The following RNF135 variants were observed in gnomAD, a reference collection of about 807,000 sequenced individuals.
The protein encoded by RNF135 is E3 ubiquitin-protein ligase RNF135.
In RNF135, 46 loss-of-function variants were observed where a neutral mutation model predicts 41.9. The ratio of observed to expected loss-of-function variants is 1.10; its 90% CI spans 0.87 to 1.40. The LOEUF is 1.40. Among genes scored for constraint, RNF135 ranks in the 40% most tolerant of loss-of-function variants. The probability of loss-of-function intolerance (pLI) is 0.00; values close to 1 mark genes in which losing one functional copy is unlikely to be tolerated. For synonymous variants in RNF135, 238 were observed against 223.8 expected, an observed-to-expected ratio of 1.06 and a Z score of -0.57; for missense variants, 539 against 549.8, an observed-to-expected ratio of 0.98 and a Z score of 0.20.
the RNF135 span, chr17:30,959,090 C>G: frequency 2.6e-5 from 4 of 152,086 alleles, no homozygotes; most frequent in African/African-American, 7.2e-5. Flanking sequence ...GCATTAAGGG[C>G]CAGTTTACTT....
intron 1 of RNF135, among the ~76,000 whole-genome samples, chr17:30,976,415 C>G (rs962031444): frequency 1.3e-5 from 2 of 152,184 alleles, no homozygotes; most frequent in Non-Finnish European, 2.9e-5. Flanking sequence ...GGAAAAGATC[C>G]ATGTGTATTC....
intron 2 of RNF135, among the ~76,000 whole-genome samples, chr17:30,985,489 C>T (rs1907520175): frequency 6.6e-6 from 1 of 152,168 alleles, no homozygotes; most frequent in Non-Finnish European, 1.5e-5. Context: ...AATCATGTTA[C>T]CTTCTTCTCC....
the RNF135 span, among the ~76,000 whole-genome samples, chr17:30,961,486 GGA>G: frequency 7.9e-5 from 12 of 151,378 alleles, no homozygotes; most frequent in African/African-American, 2.7e-4. Flanking sequence ...TTTCTGAGAT[GGA>G]GTCTTGCTCT....
chr17:30,979,754 C>CG (rs1906876954), intron 1 of RNF135, among the ~76,000 whole-genome samples: 1 of 112,338 alleles, frequency 8.9e-6, no homozygotes, highest in Non-Finnish European at 1.9e-5. Flanking sequence ...GCTGGCCGGG[C>CG]AGGGGGCTGA....
intron 1 of RNF135, chr17:30,973,057 AG>A (rs2142658233): frequency 6.6e-6 from 1 of 152,348 alleles, no homozygotes; most frequent in East Asian, 1.9e-4. Context: ...TACAGGCGTG[AG>A]CCACCGCACC....
At chr17:30,966,424 TTATTTTTATG>T (rs1305975761), upstream of RNF135, among the ~76,000 whole-genome samples, 1 of 149,336 alleles carries the variant, frequency 6.7e-6, no homozygotes, top group African/African-American at 2.5e-5. Flanking sequence ...ATTTTTTTAT[TTATTTTTATG>T]TATTTATTTA....
chr17:30,967,738 G>A (rs1300348665), upstream of RNF135, among the ~76,000 whole-genome samples: 17 of 148,184 alleles, frequency 1.1e-4, no homozygotes, highest in Admixed American at 1.2e-3. Context: ...GTCTTGCCCT[G>A]TTGCCGAGGC....
At chr17:30,970,882 C>A, upstream of RNF135, 1 of 775,408 alleles carries the variant, frequency 1.3e-6, no homozygotes, top group Admixed American at 2.8e-5. Flanking sequence ...TCTGTCTTTC[C>A]AGCTGGGCAC....
the RNF135 span, among the ~76,000 whole-genome samples, chr17:30,965,942 A>G: frequency 6.6e-6 from 1 of 152,222 alleles, no homozygotes; most frequent in South Asian, 2.1e-4. Flanking sequence ...CTTAGATTCT[A>G]CAATAGTGAT....
chr17:30,976,038 G>A (rs890362212), intron 1 of RNF135: 3 of 258,682 alleles, frequency 1.2e-5, no homozygotes, highest in Middle Eastern at 1.3e-3. Flanking sequence ...ATGGCGTCTC[G>A]CTCTGTTGCC....
At chr17:30,988,482 C>T (rs1907756060) in intron 3 of RNF135, among the ~76,000 whole-genome samples, 1 of 119,698 alleles carries the variant, frequency 8.4e-6, no homozygotes. Flanking sequence ...GGCTGGAGTG[C>T]AGTGGCACCA....
chr17:30,969,774 T>C (rs1274873678), upstream of RNF135, among the ~76,000 whole-genome samples: 2 of 145,566 alleles, frequency 1.4e-5, no homozygotes, highest in African/African-American at 4.9e-5. Flanking sequence ...TTTTTTTTTT[T>C]TTTTTTTTGA....
the RNF135 span, among the ~76,000 whole-genome samples, chr17:30,963,637 T>G: frequency 6.6e-6 from 1 of 152,276 alleles, no homozygotes; most frequent in East Asian, 1.9e-4. Flanking sequence ...CTTCATATAT[T>G]CTGGATACTA....
chr17:30,983,334 TA>T (rs1567743114), intron 1 of RNF135, among the ~76,000 whole-genome samples: 100 of 29,414 alleles, frequency 3.4e-3, no homozygotes, highest in African/African-American at 8.6e-3. Flanking sequence ...TATATATATA[TA>T]TATATATATA....
chr17:30,997,378 C>A, intron 4 of RNF135, 47 bp downstream of exon 4: 1 of 1,515,106 alleles, frequency 6.6e-7, no homozygotes, highest in Middle Eastern at 1.7e-4. Context: ...TGCCGCAGAG[C>A]GGGCTTCGAG....
In RNF135 at chr17:30,999,601, C is replaced by G. The variant is rs1040074430; in HGVS notation, c.*410C>G. On this transcript the variant is annotated 3_prime_UTR_variant, in exon 5 of 5. Coordinates refer to ENST00000328381, the MANE Select transcript of RNF135 (RefSeq NM_032322.4). ...CTGTGGGCCTTGGGCCATGCAGTAT[C>G]AGCTTGACCTTGCAAGGTCAAGCTG... 9.3e-6 allele frequency: 2 copies of G among 215,178 alleles called. No individual in the cohort carries two copies. Among genetic ancestry groups the G allele is most frequent in the African/African-American group, 4.5e-5 (2 of 43,982 alleles). The allele number at this position is 215,178 out of a possible 1,614,324, so 13.3% of individuals were successfully genotyped here. A position where few individuals can be genotyped will look rare whatever the true frequency, so the allele number is the denominator to read the frequency against.
At position 30,984,691 on chromosome 17, in the gene RNF135, C is replaced by T; in HGVS notation, c.447C>T (p.Val149=). The T allele has an allele frequency of 6.2e-7, 1 of 1,614,096 alleles. No homozygotes were observed. Residue 149 remains valine, a synonymous_variant, in exon 2 of 5, where the codon GTC becomes GTT. Coordinates refer to ENST00000328381, the MANE Select transcript of RNF135 (RefSeq NM_032322.4). Reference sequence around the variant, plus strand: ...TGGTGGAACATCTTGTAGACATTGTCAGAAGCCTGCAGAATCAGAGGCCCC... The same window carrying T: ...TGGTGGAACATCTTGTAGACATTGTTAGAAGCCTGCAGAATCAGAGGCCCC... ...TELVEHLVDI[V]RSLQNQRPLS...
chr17:30,996,046 G>A, intron 3 of RNF135, among the ~76,000 whole-genome samples: 1 of 150,994 alleles, frequency 6.6e-6, no homozygotes. Context: ...CAAAGTATTG[G>A]GATTACAGGC....
intron 1 of RNF135, chr17:30,975,703 A>G (rs1906383289): frequency 2.8e-6 from 4 of 1,422,540 alleles, no homozygotes; most frequent in South Asian, 2.3e-5. Context: ...ATGCAGACAC[A>G]CTACCCAGAT....
Sources: allele counts gnomAD v4.1 joint callset (sites outside exome capture counted in the v4.1 genomes callset), GRCh38; gene constraint gnomAD v4.1.1; transcripts MANE v1.5; gene names NCBI Gene and HGNC (gene_info 2026-07-23, HGNC 2026-07-21).